The following KAT6B variants were observed in gnomAD, a reference collection of about 807,000 sequenced individuals.
The protein encoded by KAT6B is histone acetyltransferase KAT6B.
In KAT6B, 10 loss-of-function variants were observed where a neutral mutation model predicts 187.5. The observed-to-expected ratio is 0.05, with a 90% confidence interval of 0.03 to 0.09. The LOEUF is 0.09. KAT6B is among the 10% of genes least tolerant of loss of function. KAT6B has a pLI of 1.00. For missense variants in KAT6B, 1,952 were observed against 2,558.9 expected (o/e 0.76, Z 5.12); for synonymous variants, 861 against 926.8 (o/e 0.93, Z 1.29).
intron 11 of KAT6B, chr10:74,983,706 C>A (rs377471948): frequency 6.6e-6 from 1 of 152,168 alleles, no homozygotes; most frequent in African/African-American, 2.4e-5. Context: ...ATGGGCTGTT[C>A]TTTCAGGGCA....
intron 15 of KAT6B, 120 bp from the exon 16 acceptor site, chr10:75,021,761 G>T: frequency 1.0e-6 from 1 of 962,038 alleles, no homozygotes; most frequent in South Asian, 1.4e-5. Flanking sequence ...GCTGGAATGT[G>T]CTTGGCTGGC....
chr10:74,879,061 A>G (rs1258652314), intron 3 of KAT6B, among the ~76,000 whole-genome samples: 1 of 152,186 alleles, frequency 6.6e-6, no homozygotes, highest in Non-Finnish European at 1.5e-5. Context: ...GAGCCGTACA[A>G]CCATCACTAG....
intron 3 of KAT6B, among the ~76,000 whole-genome samples, chr10:74,919,238 A>C (rs1472606645): frequency 6.6e-6 from 1 of 151,928 alleles, no homozygotes; most frequent in South Asian, 2.1e-4. Context: ...ATCTATATAT[A>C]TATATTTTTT....
At chr10:74,922,325 CT>C (rs1809805737) in intron 3 of KAT6B, among the ~76,000 whole-genome samples, 2 of 152,134 alleles carry the variant, frequency 1.3e-5, no homozygotes, top group Admixed American at 1.3e-4. Flanking sequence ...TAGAAAACAA[CT>C]GCAAAATTGC....
At chr10:74,835,520 G>A (rs975058470) in intron 1 of KAT6B, among the ~76,000 whole-genome samples, 7 of 152,204 alleles carry the variant, frequency 4.6e-5, no homozygotes, top group Non-Finnish European at 7.3e-5. Context: ...GGTAATACCC[G>A]AAGTAACTCC....
At position 74,826,803 on chromosome 10, in the gene KAT6B, C is replaced by G. The variant is rs955407335; in HGVS notation, c.-329+18C>G. On this transcript the variant is annotated intron_variant, in intron 1 of 17. Transcript: ENST00000287239. ...GCAGCCAGGTCTGTCACCCACCCCG[C>G]GCGTTCCCAGGGGGAGGAGACTGGG... The G allele has an allele frequency of 6.6e-6, 1 of 150,850 alleles. No homozygotes were observed. Among genetic ancestry groups the G allele is most frequent in the Admixed American group, 6.6e-5 (1 of 15,178 alleles). The allele number at this position is 150,850 out of a possible 1,614,324, so 9.3% of individuals were successfully genotyped here.
intron 3 of KAT6B, among the ~76,000 whole-genome samples, chr10:74,958,684 T>G (rs1840859175): frequency 6.6e-6 from 1 of 152,150 alleles, no homozygotes; most frequent in Non-Finnish European, 1.5e-5. Context: ...AAAAGCAATT[T>G]TCATACGAGA....
At chr10:74,855,304 C>G (rs1006847406) in intron 3 of KAT6B, among the ~76,000 whole-genome samples, 5 of 152,200 alleles carry the variant, frequency 3.3e-5, no homozygotes, top group Admixed American at 6.5e-5. Flanking sequence ...TTGACTGTTT[C>G]TGTTAGTAGT....
At chr10:75,021,659 G>A (rs146272678) in intron 15 of KAT6B, among the ~76,000 whole-genome samples, 261 of 152,226 alleles carry the variant, frequency 1.7e-3, no homozygotes, top group Non-Finnish European at 2.8e-3. Context: ...AAATCAATTC[G>A]CTGCATCATT....
chr10:74,984,520 G>A (rs1842707411), intron 11 of KAT6B: 1 of 155,374 alleles, frequency 6.4e-6, no homozygotes, highest in Non-Finnish European at 1.4e-5. Flanking sequence ...TTCTCTGTAA[G>A]TATTCCCAAC....
intron 3 of KAT6B, among the ~76,000 whole-genome samples, chr10:74,904,411 C>T (rs1256389268): frequency 1.3e-5 from 2 of 152,182 alleles, no homozygotes; most frequent in Non-Finnish European, 2.9e-5. Context: ...AGAGGCTGCC[C>T]TGCCACATGG....
intron 3 of KAT6B, among the ~76,000 whole-genome samples, chr10:74,949,280 T>C (rs1840153532): frequency 6.6e-6 from 1 of 152,166 alleles, no homozygotes; most frequent in African/African-American, 2.4e-5. Flanking sequence ...TACCTGCAGT[T>C]TCTAATGGCA....
At chr10:74,934,186 C>CAAAAA (rs386371842) in intron 3 of KAT6B, among the ~76,000 whole-genome samples, 11 of 69,364 alleles carry the variant, frequency 1.6e-4, no homozygotes, top group South Asian at 9.1e-4. Context: ...ACTCCGTCTC[C>CAAAAA]AAAAAAAAAA....
At chr10:74,831,230 C>G (rs929975743) in intron 1 of KAT6B, among the ~76,000 whole-genome samples, 1 of 152,096 alleles carries the variant, frequency 6.6e-6, no homozygotes. Context: ...GAATACAAGT[C>G]CTTTGTCATG....
intron 1 of KAT6B, among the ~76,000 whole-genome samples, chr10:74,837,475 C>T (rs536279090): frequency 2.0e-5 from 3 of 152,140 alleles, no homozygotes; most frequent in South Asian, 2.1e-4. Flanking sequence ...TTAGGGTTTT[C>T]GCTTGTGATA....
rs374819702 is a variant in KAT6B, at chr10:74,981,940, T to C, written c.2373+12T>C. The C allele has an allele frequency of 2.5e-6, 4 of 1,612,874 alleles. No individual in the cohort carries two copies. The highest frequency in any genetic ancestry group is 2.5e-6 in the Non-Finnish European group (3 of 1,179,300). On this transcript the variant is annotated intron_variant, in intron 11 of 17. Transcript: ENST00000287239. ...TTTCAGTATTTGAGGTAAGCGCGTGTAAATAAAAAAATTCAGCTTTTTGAA... is the reference window on the plus strand; with the variant it reads ...TTTCAGTATTTGAGGTAAGCGCGTGCAAATAAAAAAATTCAGCTTTTTGAA...
intron 3 of KAT6B, among the ~76,000 whole-genome samples, chr10:74,932,442 G>C (rs1848949871): frequency 6.6e-6 from 1 of 152,218 alleles, no homozygotes; most frequent in Admixed American, 6.5e-5. Context: ...TCTGATTCCA[G>C]ATTCTGCAGC....
chr10:74,999,732 C>T (rs1206014338), intron 13 of KAT6B, among the ~76,000 whole-genome samples: 1 of 152,162 alleles, frequency 6.6e-6, no homozygotes, highest in Non-Finnish European at 1.5e-5. Flanking sequence ...TTACTGTGAC[C>T]ATCTCTCTTC....
chr10:74,927,430 A>G (rs888831754), intron 3 of KAT6B, among the ~76,000 whole-genome samples: 2 of 149,806 alleles, frequency 1.3e-5, no homozygotes, highest in African/African-American at 2.5e-5. Flanking sequence ...TGCTTGGCCA[A>G]CCAGAGCCTG....
Sources: allele counts gnomAD v4.1 joint callset (sites outside exome capture counted in the v4.1 genomes callset), GRCh38; gene constraint gnomAD v4.1.1; transcripts MANE v1.5; gene names NCBI Gene and HGNC (gene_info 2026-07-23, HGNC 2026-07-21).